MXI1: variants seen among roughly 807,000 people sequenced by gnomAD.
MXI1 encodes max-interacting protein 1.
A neutral mutation model predicts 36.9 loss-of-function variants in MXI1; 18 were observed. The ratio of observed to expected loss-of-function variants is 0.49; its 90% confidence interval spans 0.34 to 0.72. The LOEUF (loss-of-function observed/expected upper bound fraction) is 0.72. MXI1 is among the 30% of genes least tolerant of loss of function. MXI1 has a pLI of 0.01. For synonymous variants in MXI1, 160 were observed against 146.7 expected (o/e 1.09, Z -0.65); for missense variants, 304 against 379.1 (o/e 0.80, Z 1.64).
chr10:110,284,229 T>C (rs1564728904), intron 5 of MXI1, among the ~76,000 whole-genome samples: 1 of 152,106 alleles, frequency 6.6e-6, no homozygotes, highest in Non-Finnish European at 1.5e-5. Flanking sequence ...AGGCCCTTAT[T>C]TCAAGCTATA....
In MXI1 at chr10:110,284,885, T is replaced by C; in HGVS notation, c.786T>C (p.Ser262=). The stretch of plus-strand genomic sequence containing the variant: ...CCCATGGAGAAGTGGACAATATAAG[T>C]ACCACCAGCATCAGTGACATTGATG... ...EFSHGEVDNI[S]TTSISDIDDH... The change falls in exon 6 of 6, where the codon AGT becomes AGC. Residue 262 remains serine, a synonymous_variant. Transcript: ENST00000332674. 6.2e-7 allele frequency: 1 copy of C among 1,613,832 alleles called. No homozygotes were observed. The highest frequency in any genetic ancestry group is 8.5e-7 in the Non-Finnish European group (1 of 1,179,942).
At chr10:110,278,726 G>GTGTGTGCA (rs1554859686) in intron 3 of MXI1, among the ~76,000 whole-genome samples, 7 of 149,802 alleles carry the variant, frequency 4.7e-5, no homozygotes, top group East Asian at 2.0e-4. Flanking sequence ...GTGTGTGTGT[G>GTGTGTGCA]TGCCCACACA....
At chr10:110,281,191 C>T (rs1406904025) in intron 5 of MXI1, among the ~76,000 whole-genome samples, 1 of 152,180 alleles carries the variant, frequency 6.6e-6, no homozygotes, top group Non-Finnish European at 1.5e-5. Context: ...CAACTTGTTT[C>T]ATCTGTTCTT....
chr10:110,226,247 C>T (rs1421242570), intron 1 of MXI1: 1 of 1,501,658 alleles, frequency 6.7e-7, no homozygotes, highest in Non-Finnish European at 8.9e-7. Flanking sequence ...GCAGCGTCTG[C>T]TGGAGGCTGC....
rs532270342 is a variant in MXI1 at position 110,210,898 on chromosome 10, G to T, written c.274+2816G>T. 6.6e-5 allele frequency among the ~76,000 whole-genome samples: 10 copies of T among 152,352 alleles called. No homozygotes were observed. The South Asian group carries it at 2.1e-3, about 32-fold the overall frequency. ...CGCGCGCGGGGCTTGTTTTGCTCCA[G>T]AGCTCTGCTTTCCGAAACGCTTACA... On this transcript the variant is annotated intron_variant, in intron 1 of 5. Coordinates refer to ENST00000332674, the MANE Select transcript of MXI1 (RefSeq NM_130439.3).
chr10:110,261,813 C>A (rs753940696), intron 3 of MXI1, among the ~76,000 whole-genome samples: 2 of 152,032 alleles, frequency 1.3e-5, no homozygotes, highest in Non-Finnish European at 2.9e-5. Context: ...ACTATATACT[C>A]CCCCTGCCTT....
chr10:110,272,769 T>G (rs1360602980), intron 3 of MXI1, among the ~76,000 whole-genome samples: 2 of 151,640 alleles, frequency 1.3e-5, no homozygotes, highest in Non-Finnish European at 2.9e-5. Context: ...TATTTGATTA[T>G]TTTATAAGAT....
chr10:110,273,368 A>T lies in MXI1; in HGVS notation c.438-5812A>T, dbSNP rs115768243. The stretch of plus-strand genomic sequence containing the variant: ...GGCCTTTGTTTAGCTTTCTTATTTC[A>T]TGAACCGAATAAGCTGAACAGCAGA... On this transcript the variant is annotated intron_variant, in intron 3 of 5. Transcript: ENST00000332674. Among the ~76,000 whole-genome samples, 643 of 152,186 alleles carry T rather than the reference A, an allele frequency of 4.2e-3. 8 individuals carry two copies. Among genetic ancestry groups the T allele is most frequent in the African/African-American group, 0.015 (626 of 41,520 alleles).
At chr10:110,251,010 TAAAAAAAAAAA>T (rs60315131) in intron 3 of MXI1, among the ~76,000 whole-genome samples, 10 of 54,962 alleles carry the variant, frequency 1.8e-4, no homozygotes, top group African/African-American at 3.0e-4. Flanking sequence ...AAGTATTTGT[TAAAAAAAAAAA>T]AAAAAAAAAA....
chr10:110,275,322 A>G (rs984910509), intron 3 of MXI1, among the ~76,000 whole-genome samples: 6 of 152,174 alleles, frequency 3.9e-5, no homozygotes, highest in African/African-American at 1.4e-4. Flanking sequence ...GAAGGCAAGA[A>G]AAGAAGGGAC....
chr10:110,268,868 A>G (rs970964345), intron 3 of MXI1, among the ~76,000 whole-genome samples: 3 of 152,208 alleles, frequency 2.0e-5, no homozygotes, highest in African/African-American at 7.2e-5. Context: ...ATCAGGGACT[A>G]TGGCGTATTT....
intron 1 of MXI1, among the ~76,000 whole-genome samples, chr10:110,222,124 AG>A (rs1190369717): frequency 6.6e-6 from 1 of 152,224 alleles, no homozygotes; most frequent in African/African-American, 2.4e-5. Context: ...GGGGAAGAGG[AG>A]GGGAGGAGGC....
At position 110,218,247 on chromosome 10, in the gene MXI1, G is replaced by A. The variant is rs201150905; in HGVS notation, c.275-9942G>A. On this transcript the variant is annotated intron_variant, in intron 1 of 5. Transcript: ENST00000332674. ...GGGCGGATCACGAGGTCAGGAGATC[G>A]AGACCATTCTGGCTAACACGCTGAA... Among the ~76,000 whole-genome samples, 7 of 152,064 alleles carry A rather than the reference G, an allele frequency of 4.6e-5. No individual in the cohort carries two copies. In the East Asian group the frequency reaches 9.6e-4, roughly 21 times the overall value.
At chr10:110,219,567 T>G (rs1399721480) in intron 1 of MXI1, among the ~76,000 whole-genome samples, 1 of 152,184 alleles carries the variant, frequency 6.6e-6, no homozygotes, top group Non-Finnish European at 1.5e-5. Context: ...GTGTGCTCCT[T>G]AAAGTTTGAG....
chr10:110,258,143 AAAC>A (rs1856382600), intron 3 of MXI1, among the ~76,000 whole-genome samples: 1 of 152,198 alleles, frequency 6.6e-6, no homozygotes, highest in African/African-American at 2.4e-5. Flanking sequence ...AGGAAAGGAA[AAAC>A]AACATTGTCC....
chr10:110,210,174 C>T (rs986711744), intron 1 of MXI1: 14 of 866,560 alleles, frequency 1.6e-5, no homozygotes, highest in Admixed American at 1.2e-4. Flanking sequence ...GGGGCGGGCC[C>T]GTGGCGGCGT....
intron 1 of MXI1, chr10:110,225,947 C>T: frequency 1.1e-6 from 1 of 883,854 alleles, no homozygotes; most frequent in Non-Finnish European, 1.3e-6. Flanking sequence ...CGGGAGGGGG[C>T]GGGCCCCGGC....
intron 3 of MXI1, among the ~76,000 whole-genome samples, chr10:110,264,190 CAATT>C (rs1352108355): frequency 1.3e-5 from 2 of 151,826 alleles, no homozygotes; most frequent in South Asian, 2.1e-4. Context: ...GGCTGTGAAG[CAATT>C]AGAGATAAGA....
At chr10:110,276,873 G>A (rs1413886261) in intron 3 of MXI1, among the ~76,000 whole-genome samples, 1 of 146,436 alleles carries the variant, frequency 6.8e-6, no homozygotes, top group East Asian at 2.0e-4. Flanking sequence ...CTGAGGCAGA[G>A]TTTCACTCTG....
Sources: gnomAD v4.1 joint callset for allele counts (sites outside exome capture counted in the v4.1 genomes callset) on GRCh38, gnomAD v4.1.1 for gene constraint, MANE v1.5 for transcripts, NCBI Gene and HGNC (gene_info 2026-07-23, HGNC 2026-07-21) for gene names.